The following PTPRN2 variants were observed in gnomAD, a reference collection of about 807,000 sequenced individuals.
The protein encoded by PTPRN2 is receptor-type tyrosine-protein phosphatase N2.
PTPRN2 carries 74 observed loss-of-function variants against 118.8 expected under a neutral mutation model. The observed-to-expected ratio is 0.62, with a 90% CI of 0.52 to 0.76. PTPRN2 has a LOEUF of 0.76. PTPRN2 is among the 30% of genes least tolerant of loss of function. The pLI is 0.00. For synonymous variants in PTPRN2, 641 were observed against 608.0 expected, an observed-to-expected ratio of 1.05 and a Z score of -0.80; for missense variants, 1,481 against 1,394.4, an observed-to-expected ratio of 1.06 and a Z score of -0.99.
chr7:158,049,329 C>T (rs908590328), intron 11 of PTPRN2, among the ~76,000 whole-genome samples: 1 of 152,190 alleles, frequency 6.6e-6, no homozygotes. Flanking sequence ...TTCTCTGTGC[C>T]GTCTTCCTCT....
intron 11 of PTPRN2, among the ~76,000 whole-genome samples, chr7:158,014,967 A>C (rs1391020572): frequency 6.6e-6 from 1 of 152,224 alleles, no homozygotes; most frequent in African/African-American, 2.4e-5. Context: ...GCAAAAGCTT[A>C]CTTTCATTTC....
At chr7:157,687,099 C>T (rs56113747) in intron 12 of PTPRN2, among the ~76,000 whole-genome samples, 61,950 of 151,550 alleles carry the variant, frequency 0.41, 13,893 homozygotes, top group Non-Finnish European at 0.52. Flanking sequence ...TAGAACTTAG[C>T]ATCTGCAGAC....
intron 12 of PTPRN2, among the ~76,000 whole-genome samples, chr7:157,859,808 GT>G (rs1563180851): frequency 2.8e-5 from 3 of 106,274 alleles, no homozygotes; most frequent in Non-Finnish European, 5.8e-5. Context: ...TGCAGGGAGA[GT>G]CCCCCAGCCA....
chr7:157,932,799 C>T (rs1304701899), intron 11 of PTPRN2, among the ~76,000 whole-genome samples: 1 of 147,416 alleles, frequency 6.8e-6, no homozygotes, highest in Non-Finnish European at 1.5e-5. Flanking sequence ...CTCCGATGGA[C>T]AGCTTTAGAG....
intron 10 of PTPRN2, among the ~76,000 whole-genome samples, chr7:158,100,622 T>C (rs1815157335): frequency 6.6e-6 from 1 of 152,202 alleles, no homozygotes. Flanking sequence ...TATAACATTG[T>C]GGTTTCGATT....
Position 157,942,651 on chromosome 7 carries a change from G to A in PTPRN2, c.1724-43914C>T, listed in dbSNP as rs561106840. On this transcript the variant is annotated intron_variant, in intron 11 of 22. Transcript: ENST00000389418. ...CCGCGTTCACCTGTACATCGCAAGT[G>A]TCTAAAAATGATGTGTATCCCCTCC... is the stretch of plus-strand genomic sequence containing the variant. 1.3e-4 allele frequency among the ~76,000 whole-genome samples: 20 copies of A among 152,220 alleles called. No individual in the cohort carries two copies. In the South Asian group the frequency reaches 4.1e-3, roughly 32 times the overall value.
chr7:158,517,094 C>T lies in PTPRN2; in HGVS notation c.113-27309G>A, dbSNP rs374851847. Among the ~76,000 whole-genome samples, 11 of 152,332 alleles carry T rather than the reference C, an allele frequency of 7.2e-5. No homozygotes were observed. The highest frequency in any genetic ancestry group is 2.4e-4 in the African/African-American group (10 of 41,572). ...CACTGATTTTGGACTGGGCACAACA[C>T]GATTCATCCAAACACCACTTGACAA... On this transcript the variant is annotated intron_variant, in intron 1 of 22. Coordinates refer to ENST00000389418, the MANE Select transcript of PTPRN2 (RefSeq NM_002847.5). This position sits in a 1 kb window ranked among gnomAD's most constrained non-coding sequence, Gnocchi z 5.3.
intron 12 of PTPRN2, among the ~76,000 whole-genome samples, chr7:157,743,267 G>A (rs920857372): frequency 1.3e-5 from 2 of 152,284 alleles, no homozygotes; most frequent in African/African-American, 2.4e-5. Flanking sequence ...CAGTGGGTTC[G>A]AATGTCAGCC....
rs1229272219 is a variant in PTPRN2, at chr7:157,622,934, G to A, written c.2197-1425C>T. On this transcript the variant is annotated intron_variant, in intron 14 of 22. Coordinates refer to ENST00000389418, the MANE Select transcript of PTPRN2 (RefSeq NM_002847.5). The surrounding 1 kb of genome is among the most constrained non-coding windows in gnomAD (Gnocchi z 5.3). The stretch of plus-strand genomic sequence containing the variant: ...AGCCTTGGGAGCACACCTGCGCCAG[G>A]AACAGAAACATCAGGGCTGCTCTGA... 6.6e-6 allele frequency among the ~76,000 whole-genome samples: 1 copy of A among 152,192 alleles called. No homozygotes were observed. The highest frequency in any genetic ancestry group is 1.5e-5 in the Non-Finnish European group (1 of 68,036).
chr7:158,171,119 C>T lies in PTPRN2; in HGVS notation c.550-3828G>A, dbSNP rs201813087. Among the ~76,000 whole-genome samples the T allele has an allele frequency of 5.2e-3, 629 of 120,302 alleles. 69 individuals are homozygous for T. In the East Asian group the frequency reaches 0.06, roughly 11 times the overall value. 78.9% of individuals were successfully genotyped at this position (120,302 alleles called of 152,430 possible). A position where few individuals can be genotyped will look rare whatever the true frequency, so the allele number is the denominator to read the frequency against. ...ATATATATACACATATATATACACA[C>T]ATATATACACATATATACACACATA... On this transcript the variant is annotated intron_variant, in intron 5 of 22. Transcript: ENST00000389418.
chr7:157,945,257 C>T (rs144173124), intron 11 of PTPRN2, among the ~76,000 whole-genome samples: 7 of 152,220 alleles, frequency 4.6e-5, no homozygotes, highest in East Asian at 1.9e-4. Flanking sequence ...CCCACCCATT[C>T]GCAGCAGCCA....
intron 12 of PTPRN2, among the ~76,000 whole-genome samples, chr7:157,773,365 C>G (rs1321666328): frequency 6.6e-6 from 1 of 152,196 alleles, no homozygotes; most frequent in Non-Finnish European, 1.5e-5. Flanking sequence ...GGCTCCCAAC[C>G]TCCAGGAGAT....
intron 1 of PTPRN2, among the ~76,000 whole-genome samples, chr7:158,560,827 C>T (rs1827334257): frequency 6.6e-6 from 1 of 152,264 alleles, no homozygotes; most frequent in Non-Finnish European, 1.5e-5. Flanking sequence ...TAAAAGAAGG[C>T]AGCTGTCCTA....
chr7:157,804,154 T>C (rs1805485961), intron 12 of PTPRN2, among the ~76,000 whole-genome samples: 2 of 152,210 alleles, frequency 1.3e-5, no homozygotes, highest in Admixed American at 1.3e-4. Flanking sequence ...TTTCGTAGCA[T>C]CTAATTCCTC....
At chr7:157,894,076 C>T (rs1334145468) in intron 12 of PTPRN2, among the ~76,000 whole-genome samples, 2 of 152,154 alleles carry the variant, frequency 1.3e-5, no homozygotes, top group Non-Finnish European at 2.9e-5. Context: ...TTCTTAAAAC[C>T]TGCCTGACGC....
intron 5 of PTPRN2, among the ~76,000 whole-genome samples, chr7:158,169,524 G>T (rs1052972036): frequency 6.6e-6 from 1 of 151,174 alleles, no homozygotes; most frequent in East Asian, 2.0e-4. Context: ...CAAGTGATCC[G>T]CCTGCCTCAG....
intron 11 of PTPRN2, among the ~76,000 whole-genome samples, chr7:158,062,599 G>A (rs1300870493): frequency 6.6e-6 from 1 of 152,198 alleles, no homozygotes; most frequent in Non-Finnish European, 1.5e-5. Context: ...AACTGGGGCT[G>A]TGCGTGGTGC....
At chr7:158,048,089 C>T (rs1321187551) in intron 11 of PTPRN2, among the ~76,000 whole-genome samples, 2 of 151,990 alleles carry the variant, frequency 1.3e-5, no homozygotes, top group African/African-American at 4.8e-5. Context: ...TCTAAGGACA[C>T]TTTCTGTCTA....
At chr7:158,157,663 C>T (rs932509450) in intron 6 of PTPRN2, among the ~76,000 whole-genome samples, 89 of 152,336 alleles carry the variant, frequency 5.8e-4, no homozygotes, top group African/African-American at 2.1e-3. Context: ...CTGGGCGCAT[C>T]CACGTCAGGG....
Sources: gnomAD v4.1 joint callset for allele counts (sites outside exome capture counted in the v4.1 genomes callset) on GRCh38, gnomAD v4.1.1 for gene constraint, Gnocchi (gnomAD v3.1) non-coding constraint, MANE v1.5 for transcripts, NCBI Gene and HGNC (gene_info 2026-07-23, HGNC 2026-07-21) for gene names.